The following ACMSD variants were observed in gnomAD, a reference collection of about 807,000 sequenced individuals.
ACMSD encodes 2-amino-3-carboxymuconate-6-semialdehyde decarboxylase.
ACMSD carries 37 observed loss-of-function variants against 45.9 expected under a neutral mutation model. That is an observed-to-expected ratio of 0.81 (90% confidence interval 0.62 to 1.06). The LOEUF (loss-of-function observed/expected upper bound fraction) is 1.06, where lower values mean the gene tolerates loss of function less well. Ranked by LOEUF, ACMSD falls within the 50% of genes least tolerant of loss-of-function variation. ACMSD has a pLI of 0.00. For synonymous variants in ACMSD, 138 were observed against 148.8 expected, an observed-to-expected ratio of 0.93 and a Z score of 0.53; for missense variants, 434 against 420.9, an observed-to-expected ratio of 1.03 and a Z score of -0.27.
Position 134,873,897 on chromosome 2 carries a change from T to C in ACMSD, c.849+1256T>C, listed in dbSNP as rs568749062. Among the ~76,000 whole-genome samples the C allele has an allele frequency of 3.9e-5, 6 of 152,116 alleles. No individual in the cohort carries two copies. The East Asian group carries it at 7.7e-4, about 20-fold the overall frequency. On this transcript the variant is annotated intron_variant, in intron 8 of 9. Coordinates refer to ENST00000356140, the MANE Select transcript of ACMSD (RefSeq NM_138326.3). Reference sequence around the variant, plus strand: ...TTTGTGGGCTCTGGACATTGAGCAATGGAGGAAAGGAAGAGGGAAAATCAT... The same window carrying C: ...TTTGTGGGCTCTGGACATTGAGCAACGGAGGAAAGGAAGAGGGAAAATCAT...
At chr2:134,840,407 G>A (rs1353026837) in intron 1 of ACMSD, among the ~76,000 whole-genome samples, 1 of 152,056 alleles carries the variant, frequency 6.6e-6, no homozygotes, top group Non-Finnish European at 1.5e-5. Flanking sequence ...GAGGCTTAGA[G>A]AGAGCTACAG....
At chr2:134,886,246 A>ATTATTATTATTATTTTTTTTTTTTTTTT in intron 8 of ACMSD, among the ~76,000 whole-genome samples, 39 of 115,442 alleles carry the variant, frequency 3.4e-4, no homozygotes, top group African/African-American at 8.3e-4. Context: ...TATTATTATT[A>ATTATTATTATTATTTTTTTTTTTTTTTT]TTTTTTTTTT....
intron 8 of ACMSD, among the ~76,000 whole-genome samples, chr2:134,893,372 T>C (rs1689909959): frequency 6.6e-6 from 1 of 151,876 alleles, no homozygotes; most frequent in South Asian, 2.1e-4. Context: ...CTAATTTGTT[T>C]TATTAAGGTC....
intron 2 of ACMSD, among the ~76,000 whole-genome samples, chr2:134,852,605 CA>C (rs1687395069): frequency 6.6e-6 from 1 of 152,090 alleles, no homozygotes; most frequent in Non-Finnish European, 1.5e-5. Flanking sequence ...GGCCAGGGAC[CA>C]AGAAGAAAAA....
chr2:134,879,489 G>C (rs976884689), intron 8 of ACMSD, among the ~76,000 whole-genome samples: 2 of 152,002 alleles, frequency 1.3e-5, no homozygotes, highest in Non-Finnish European at 2.9e-5. Flanking sequence ...CTCTGTATTC[G>C]TTACATGCTG....
At chr2:134,853,717 A>T (rs1377426179) in intron 2 of ACMSD, among the ~76,000 whole-genome samples, 1 of 152,238 alleles carries the variant, frequency 6.6e-6, no homozygotes, top group Middle Eastern at 3.4e-3. Flanking sequence ...AAAAAAACCA[A>T]TGAGAACTGG....
chr2:134,840,151 C>T (rs1402295978), intron 1 of ACMSD, among the ~76,000 whole-genome samples: 1 of 61,534 alleles, frequency 1.6e-5, no homozygotes, highest in African/African-American at 6.3e-5. Flanking sequence ...TTAAAATAGC[C>T]ATAAACTATA....
chr2:134,858,670 TTGC>T (rs1299402621), intron 2 of ACMSD, among the ~76,000 whole-genome samples: 1 of 152,056 alleles, frequency 6.6e-6, no homozygotes. Context: ...ATAAAAATTA[TTGC>T]TGTGTACCCA....
chr2:134,878,643 T>G (rs2104906184), intron 8 of ACMSD, among the ~76,000 whole-genome samples: 1 of 152,338 alleles, frequency 6.6e-6, no homozygotes. Context: ...ACATAGCTGT[T>G]GCTTCTACAT....
At chr2:134,867,322 G>A (rs1688146410) in intron 5 of ACMSD, 2 of 277,548 alleles carry the variant, frequency 7.2e-6, no homozygotes, top group Non-Finnish European at 1.3e-5. Flanking sequence ...TTTACCAGAT[G>A]ATATATTAAG....
intron 1 of ACMSD, among the ~76,000 whole-genome samples, chr2:134,841,811 G>A (rs3739030): frequency 0.6 from 91,684 of 152,148 alleles, 29,659 homozygotes; most frequent in Middle Eastern, 0.91. Context: ...CCTTCAATTT[G>A]AAAATCATAT....
At chr2:134,849,158 G>C (rs1687214490) in intron 2 of ACMSD, among the ~76,000 whole-genome samples, 2 of 151,534 alleles carry the variant, frequency 1.3e-5, no homozygotes, top group African/African-American at 4.9e-5. Flanking sequence ...CTTCAATAGT[G>C]GATTTGAATG....
Position 134,841,505 on chromosome 2 carries a change from T to C in ACMSD, c.57+2766T>C, listed in dbSNP as rs1686805648. Among the ~76,000 whole-genome samples the C allele has an allele frequency of 2.0e-5, 3 of 152,030 alleles. No homozygotes were observed. In the South Asian group the frequency reaches 6.2e-4, roughly 32 times the overall value. On this transcript the variant is annotated intron_variant, in intron 1 of 9. Transcript: ENST00000356140. ...ATTTTAGTCAGAGTTACAAGTAGGG[T>C]TCTTGAAAAAAAAACATATCTGACG...
At chr2:134,852,098 G>T (rs976463230) in intron 2 of ACMSD, among the ~76,000 whole-genome samples, 1 of 152,136 alleles carries the variant, frequency 6.6e-6, no homozygotes, top group Admixed American at 6.5e-5. Context: ...ACTTTGAAAA[G>T]AGTTCATAAA....
chr2:134,869,308 G>A (rs953422633), intron 6 of ACMSD, among the ~76,000 whole-genome samples: 2 of 151,962 alleles, frequency 1.3e-5, no homozygotes, highest in Non-Finnish European at 2.9e-5. Flanking sequence ...TGCCTCCCGG[G>A]TTCAAGTGAT....
At chr2:134,851,962 G>A (rs546444016) in intron 2 of ACMSD, among the ~76,000 whole-genome samples, 1 of 152,174 alleles carries the variant, frequency 6.6e-6, no homozygotes, top group South Asian at 2.1e-4. Context: ...TTCTCCTATG[G>A]TTTTACTGAA....
At chr2:134,872,759 G>T in intron 8 of ACMSD, 118 bp downstream of exon 8, 1 of 1,236,328 alleles carries the variant, frequency 8.1e-7, no homozygotes, top group East Asian at 2.4e-5. Context: ...TTAGATGAAA[G>T]GAGAGAGACA....
chr2:134,895,328 T>TTACA, intron 8 of ACMSD, among the ~76,000 whole-genome samples: 1 of 141,586 alleles, frequency 7.1e-6, no homozygotes, highest in Admixed American at 7.1e-5. Context: ...TATATATATG[T>TTACA]TATATATATA....
At chr2:134,867,471 G>C in intron 5 of ACMSD, 108 bp from the exon 6 acceptor site, 3 of 753,624 alleles carry the variant, frequency 4.0e-6, no homozygotes, top group South Asian at 1.8e-5. Flanking sequence ...TAGTTTATTT[G>C]TGCAGACCAA....
Sources: gnomAD v4.1 joint callset for allele counts (sites outside exome capture counted in the v4.1 genomes callset) on GRCh38, gnomAD v4.1.1 for gene constraint, MANE v1.5 for transcripts, NCBI Gene and HGNC (gene_info 2026-07-23, HGNC 2026-07-21) for gene names.